The following GRIN2B variants were observed in gnomAD, a reference collection of about 807,000 sequenced individuals.
GRIN2B encodes glutamate receptor ionotropic, NMDA 2B.
In GRIN2B, 5 loss-of-function variants were observed where a neutral mutation model predicts 114.5. The ratio of observed to expected loss-of-function variants is 0.04; its 90% CI spans 0.02 to 0.09. GRIN2B has a LOEUF of 0.09. GRIN2B is among the 10% of genes least tolerant of loss of function. The pLI is 1.00. For missense variants in GRIN2B, 1,108 were observed against 1,943.5 expected, an observed-to-expected ratio of 0.57 and a Z score of 8.08; for synonymous variants, 787 against 745.1, an observed-to-expected ratio of 1.06 and a Z score of -0.92.
chr12:13,558,475 A>C lies in GRIN2B; in HGVS notation c.*4308T>G, dbSNP rs63287661. 1 of 47,852 alleles carries C rather than the reference A, an allele frequency of 2.1e-5. No individual in the cohort carries two copies. Among genetic ancestry groups the C allele is most frequent in the African/African-American group, 4.3e-5 (1 of 23,242 alleles). The allele number at this position is 47,852 out of a possible 1,614,324, so 3.0% of individuals were successfully genotyped here. On this transcript the variant is annotated 3_prime_UTR_variant, in exon 14 of 14. Coordinates refer to ENST00000609686, the MANE Select transcript of GRIN2B (RefSeq NM_000834.5). The stretch of plus-strand genomic sequence containing the variant: ...TGAACTAACTAACTAAAAACCGACC[A>C]AAAAAAAAAAAAAAATGAACCAAAG...
At chr12:13,715,775 C>A (rs1319274236) in intron 4 of GRIN2B, among the ~76,000 whole-genome samples, 1 of 151,792 alleles carries the variant, frequency 6.6e-6, no homozygotes, top group Non-Finnish European at 1.5e-5. Context: ...CAAAATATAA[C>A]CCCTTGATAA....
intron 3 of GRIN2B, among the ~76,000 whole-genome samples, chr12:13,849,620 G>A (rs1014473152): frequency 6.6e-6 from 1 of 152,082 alleles, no homozygotes; most frequent in African/African-American, 2.4e-5. Context: ...TGGGCCTAGG[G>A]GAAGAGAATT....
rs753485899 is a variant in GRIN2B, at chr12:13,537,953, C to G, written c.*24830G>C. On this transcript the variant is annotated 3_prime_UTR_variant, in exon 14 of 14. Transcript: ENST00000609686. ...ATTTTTTTGACAGGCCCTGCAGACTCTCAGAACCACTTTTCTGGTGGTCTC... is the reference window on the plus strand; with the variant it reads ...ATTTTTTTGACAGGCCCTGCAGACTGTCAGAACCACTTTTCTGGTGGTCTC... 2.6e-5 allele frequency: 4 copies of G among 152,254 alleles called. No homozygotes were observed. Among genetic ancestry groups the G allele is most frequent in the Non-Finnish European group, 5.9e-5 (4 of 68,038 alleles). 9.4% of individuals were successfully genotyped at this position (152,254 alleles called of 1,614,324 possible).
intron 5 of GRIN2B, among the ~76,000 whole-genome samples, chr12:13,622,496 A>G (rs1949527771): frequency 6.6e-6 from 1 of 152,150 alleles, no homozygotes; most frequent in Admixed American, 6.6e-5. Flanking sequence ...AGGATTTTTA[A>G]TGTTTGAGTA....
intron 4 of GRIN2B, among the ~76,000 whole-genome samples, chr12:13,748,427 C>A (rs1863426348): frequency 6.6e-6 from 1 of 152,176 alleles, no homozygotes; most frequent in African/African-American, 2.4e-5. Flanking sequence ...ACTAACTGCT[C>A]CTTGGAGAAA....
intron 10 of GRIN2B, among the ~76,000 whole-genome samples, chr12:13,592,184 G>A (rs1437622680): frequency 2.0e-5 from 3 of 152,168 alleles, no homozygotes; most frequent in African/African-American, 7.2e-5. Flanking sequence ...TGTCTGGGGT[G>A]TGGAGTCTTG....
intron 2 of GRIN2B, among the ~76,000 whole-genome samples, chr12:13,941,396 T>C (rs75717161): frequency 0.01 from 1,580 of 152,140 alleles, 28 homozygotes; most frequent in African/African-American, 0.035. Context: ...CTGAGGCAGG[T>C]TGCCAAACCC....
chr12:13,547,981 A>ATATATATATATATATTTTTTTTT lies in GRIN2B; in HGVS notation c.*14801_*14802insAAAAAAAAATATATATATATATA. ...TGTGTATATATATATATATATATAT[A>ATATATATATATATATTTTTTTTT]TTTTTTTTTTTTTTCTGAAAGCTAC... On this transcript the variant is annotated 3_prime_UTR_variant, in exon 14 of 14. Transcript: ENST00000609686. 5.8e-5 allele frequency: 4 copies of ATATATATATATATATTTTTTTTT among 68,596 alleles called. No homozygotes were observed. The highest frequency in any genetic ancestry group is 7.3e-4 in the South Asian group (1 of 1,378). 4.2% of individuals were successfully genotyped at this position (68,596 alleles called of 1,614,324 possible). A position where few individuals can be genotyped will look rare whatever the true frequency, so the allele number is the denominator to read the frequency against.
intron 2 of GRIN2B, among the ~76,000 whole-genome samples, chr12:13,959,496 G>A (rs1257428668): frequency 1.3e-5 from 2 of 152,178 alleles, no homozygotes; most frequent in East Asian, 3.9e-4. Flanking sequence ...GTGGAGGAGA[G>A]GAGGCGAGGT....
At chr12:13,779,356 T>G (rs1054407490) in intron 3 of GRIN2B, among the ~76,000 whole-genome samples, 2 of 152,200 alleles carry the variant, frequency 1.3e-5, no homozygotes, top group African/African-American at 4.8e-5. Flanking sequence ...GTCCTCTTTA[T>G]CTTTATAGAT....
At chr12:13,915,078 A>G (rs1222519438) in intron 2 of GRIN2B, among the ~76,000 whole-genome samples, 1 of 152,242 alleles carries the variant, frequency 6.6e-6, no homozygotes, top group Non-Finnish European at 1.5e-5. Flanking sequence ...GCATAAAGAA[A>G]AGATAAATAT....
chr12:13,922,790 G>C (rs7962803), intron 2 of GRIN2B, among the ~76,000 whole-genome samples: 4,240 of 152,206 alleles, frequency 0.028, 200 homozygotes, highest in African/African-American at 0.097. Context: ...GGGAAACAAC[G>C]CCTCCTCCAG....
intron 3 of GRIN2B, among the ~76,000 whole-genome samples, chr12:13,831,339 T>C (rs986579159): frequency 4.6e-5 from 7 of 152,196 alleles, no homozygotes; most frequent in Admixed American, 1.3e-4. Flanking sequence ...TGATTCTCCA[T>C]AGAACCAGTA....
intron 8 of GRIN2B, among the ~76,000 whole-genome samples, 186 bp from the exon 9 acceptor site, chr12:13,612,036 C>A (rs1188508328): frequency 6.6e-6 from 1 of 152,222 alleles, no homozygotes; most frequent in Non-Finnish European, 1.5e-5. Context: ...GGATTGCCTT[C>A]CTTCAAATAC....
intron 2 of GRIN2B, among the ~76,000 whole-genome samples, chr12:13,972,745 G>A (rs904871771): frequency 2.0e-5 from 3 of 152,330 alleles, no homozygotes; most frequent in East Asian, 1.9e-4. Context: ...AGGAGGACAC[G>A]TAACCTCCAA....
intron 2 of GRIN2B, among the ~76,000 whole-genome samples, chr12:13,920,066 T>G (rs1266846108): frequency 6.6e-6 from 1 of 151,958 alleles, no homozygotes; most frequent in Non-Finnish European, 1.5e-5. Flanking sequence ...AGGAATTCAG[T>G]CACAATCCTG....
chr12:13,964,377 C>A (rs1867752159), intron 2 of GRIN2B, among the ~76,000 whole-genome samples: 1 of 152,188 alleles, frequency 6.6e-6, no homozygotes, highest in Admixed American at 6.5e-5. Flanking sequence ...GATTCCACAG[C>A]AAAGAGGCCC....
At chr12:13,607,857 C>T (rs1565474137) in intron 10 of GRIN2B, among the ~76,000 whole-genome samples, 1 of 152,058 alleles carries the variant, frequency 6.6e-6, no homozygotes, top group Admixed American at 6.5e-5. Context: ...AAAGTGTCTC[C>T]CATCCCTAGT....
intron 3 of GRIN2B, among the ~76,000 whole-genome samples, chr12:13,784,196 C>A (rs1346952318): frequency 7.6e-6 from 1 of 131,604 alleles, no homozygotes; most frequent in Non-Finnish European, 1.5e-5. Flanking sequence ...TGCACTCCAG[C>A]CTGGGCAACA....
Sources: gnomAD v4.1 joint callset for allele counts (sites outside exome capture counted in the v4.1 genomes callset) on GRCh38, gnomAD v4.1.1 for gene constraint, MANE v1.5 for transcripts, NCBI Gene and HGNC (gene_info 2026-07-23, HGNC 2026-07-21) for gene names.